SEC63: variants seen among roughly 807,000 people sequenced by gnomAD.
The protein encoded by SEC63 is SEC63 protein translocation regulator.
Under a neutral mutation model 116.2 loss-of-function variants are expected in SEC63, and 56 were observed. The ratio of observed to expected loss-of-function variants is 0.48; its 90% CI spans 0.39 to 0.60. The LOEUF (loss-of-function observed/expected upper bound fraction) is 0.60, where lower values mean the gene tolerates loss of function less well. Ranked by LOEUF, SEC63 falls within the 20% of genes least tolerant of loss-of-function variation. SEC63 has a pLI of 0.00. For synonymous variants in SEC63, 273 were observed against 294.6 expected (o/e 0.93, Z 0.75); for missense variants, 668 against 900.0 (o/e 0.74, Z 3.30).
chr6:107,895,868 A>AG (rs1786801265), intron 14 of SEC63, among the ~76,000 whole-genome samples: 2 of 136,436 alleles, frequency 1.5e-5, no homozygotes, highest in African/African-American at 7.2e-5. Context: ...ATTAAAAAAA[A>AG]AAAAAAAAAA....
At chr6:107,943,371 A>T (rs1212190204) in intron 1 of SEC63, among the ~76,000 whole-genome samples, 3 of 152,242 alleles carry the variant, frequency 2.0e-5, no homozygotes, top group Non-Finnish European at 4.4e-5. Flanking sequence ...AGCAAATGAT[A>T]AAGCTGACTA....
At chr6:107,899,713 T>C (rs560241076) in intron 13 of SEC63, among the ~76,000 whole-genome samples, 462 of 44,300 alleles carry the variant, frequency 0.01, 3 homozygotes, top group African/African-American at 0.044. Context: ...AGCAAGACTG[T>C]CTCAAAAAAA....
chr6:107,927,695 T>A (rs183302634), intron 2 of SEC63, among the ~76,000 whole-genome samples: 19 of 152,228 alleles, frequency 1.2e-4, no homozygotes, highest in African/African-American at 4.6e-4. Flanking sequence ...CAAAAATACA[T>A]GCGTCCCTTG....
chr6:107,886,032 C>T (rs565498835), intron 16 of SEC63, among the ~76,000 whole-genome samples: 4 of 152,134 alleles, frequency 2.6e-5, no homozygotes, highest in Non-Finnish European at 4.4e-5. Context: ...CGACATGCCC[C>T]GGTGTGTGAT....
Position 107,954,143 on chromosome 6 carries a change from G to T in SEC63, c.124+3743C>A, listed in dbSNP as rs561055871. 3.9e-5 allele frequency among the ~76,000 whole-genome samples: 6 copies of T among 152,166 alleles called. No individual in the cohort carries two copies. In the South Asian group the frequency reaches 1.0e-3, roughly 26 times the overall value. On this transcript the variant is annotated intron_variant, in intron 1 of 20. Coordinates refer to ENST00000369002, the MANE Select transcript of SEC63 (RefSeq NM_007214.5). ...ACTAGGAAAAATTCTTCTGCCTTGG[G>T]ATCCTGTTGATCGGTGACCCTACCC... is the stretch of plus-strand genomic sequence containing the variant.
intron 1 of SEC63, among the ~76,000 whole-genome samples, chr6:107,932,893 T>C (rs1315459707): frequency 6.6e-6 from 1 of 152,050 alleles, no homozygotes; most frequent in Non-Finnish European, 1.5e-5. Flanking sequence ...GGGAAACGAA[T>C]GACTTTGCAG....
At chr6:107,919,197 T>A (rs936772182) in intron 4 of SEC63, among the ~76,000 whole-genome samples, 1 of 152,084 alleles carries the variant, frequency 6.6e-6, no homozygotes, top group East Asian at 1.9e-4. Flanking sequence ...AGGCATGAGC[T>A]ACCGCGCCTG....
chr6:107,924,036 G>A (rs887873770), intron 3 of SEC63, among the ~76,000 whole-genome samples: 7 of 152,098 alleles, frequency 4.6e-5, no homozygotes, highest in Middle Eastern at 3.4e-3. Context: ...AGGCCAAGGC[G>A]GGTGGATCAT....
chr6:107,950,646 G>A (rs1183756492), intron 1 of SEC63, among the ~76,000 whole-genome samples: 1 of 152,158 alleles, frequency 6.6e-6, no homozygotes, highest in Non-Finnish European at 1.5e-5. Context: ...AACCAATACA[G>A]ATGAGTATAC....
intron 1 of SEC63, among the ~76,000 whole-genome samples, chr6:107,938,566 C>CT (rs542430538): frequency 1.4e-3 from 189 of 138,222 alleles, no homozygotes; most frequent in Middle Eastern, 3.7e-3. Context: ...CTTCTTTTTT[C>CT]TTTTTTTTTT....
intron 2 of SEC63, among the ~76,000 whole-genome samples, chr6:107,926,590 G>T (rs1017582212): frequency 6.6e-6 from 1 of 152,012 alleles, no homozygotes; most frequent in Non-Finnish European, 1.5e-5. Context: ...TTTGGTAATA[G>T]CCTCAATATG....
rs1377273840 is a variant in SEC63, at chr6:107,882,172, A to G, written c.1833+816T>C. Reference sequence around the variant, plus strand: ...GACAAGTGTGTTATTAACCCCTTATACTTTTATCCTTTGCCCTTTACCTCT... The same window carrying G: ...GACAAGTGTGTTATTAACCCCTTATGCTTTTATCCTTTGCCCTTTACCTCT... On this transcript the variant is annotated intron_variant, in intron 17 of 20. Transcript: ENST00000369002. 2.6e-5 allele frequency among the ~76,000 whole-genome samples: 4 copies of G among 152,094 alleles called. No individual in the cohort carries two copies. The East Asian group carries it at 5.8e-4, about 22-fold the overall frequency.
At chr6:107,914,434 A>G (rs757765117) in intron 4 of SEC63, among the ~76,000 whole-genome samples, 5 of 152,172 alleles carry the variant, frequency 3.3e-5, no homozygotes, top group Non-Finnish European at 5.9e-5. Context: ...ATGCAGAAAT[A>G]CCTTTATAAA....
chr6:107,917,790 A>G (rs1389404418), intron 4 of SEC63, among the ~76,000 whole-genome samples: 2 of 152,224 alleles, frequency 1.3e-5, no homozygotes, highest in African/African-American at 2.4e-5. Context: ...TGCAGAAGCT[A>G]GCAGATGTTG....
chr6:107,895,680 G>A (rs996251309), intron 14 of SEC63, among the ~76,000 whole-genome samples: 1 of 151,832 alleles, frequency 6.6e-6, no homozygotes, highest in African/African-American at 2.4e-5. Flanking sequence ...AATAAATTGA[G>A]TCAAAATACT....
At chr6:107,939,722 C>A (rs977485437) in intron 1 of SEC63, among the ~76,000 whole-genome samples, 2 of 151,458 alleles carry the variant, frequency 1.3e-5, no homozygotes, top group South Asian at 2.1e-4. Context: ...GGTGAAAGTA[C>A]GAGATTGTCT....
chr6:107,885,649 A>G (rs111943790), intron 16 of SEC63, among the ~76,000 whole-genome samples: 3 of 152,344 alleles, frequency 2.0e-5, no homozygotes, highest in Admixed American at 6.5e-5. Flanking sequence ...TGTTAAGCTT[A>G]TTCTAAAAAT....
In SEC63 at chr6:107,921,921, C is replaced by CGGGGG. The variant is rs1554237230; in HGVS notation, c.340-13_340-12insCCCCC. 4.9e-4 allele frequency: 41 copies of CGGGGG among 83,036 alleles called. No homozygotes were observed. The highest frequency in any genetic ancestry group is 3.4e-3 in the African/African-American group (33 of 9,628). The allele number at this position is 83,036 out of a possible 1,614,324, so 5.1% of individuals were successfully genotyped here. ...GCTACTGTGGCTCCCTGGGGAAAAA[C>CGGGGG]AAAAAAAAAAAACAAGCTTTCTGTT... On this transcript the variant is annotated splice_polypyrimidine_tract_variant and intron_variant, in intron 3 of 20. Coordinates refer to ENST00000369002, the MANE Select transcript of SEC63 (RefSeq NM_007214.5).
intron 13 of SEC63, among the ~76,000 whole-genome samples, chr6:107,900,180 T>A (rs555250353): frequency 2.0e-5 from 3 of 152,124 alleles, no homozygotes; most frequent in Admixed American, 2.0e-4. Context: ...TTTTTAATTT[T>A]ATAAAGACAG....
Sources: gnomAD v4.1 joint callset for allele counts (sites outside exome capture counted in the v4.1 genomes callset) on GRCh38, gnomAD v4.1.1 for gene constraint, MANE v1.5 for transcripts, NCBI Gene and HGNC (gene_info 2026-07-23, HGNC 2026-07-21) for gene names.